Variants in CLSTN2 observed in about 807,000 individuals in gnomAD.
CLSTN2 encodes the protein calsyntenin-2.
In CLSTN2, 48 loss-of-function variants were observed where a neutral mutation model predicts 101.2. The ratio of observed to expected loss-of-function variants is 0.47; its 90% CI spans 0.38 to 0.60. The LOEUF (loss-of-function observed/expected upper bound fraction) is 0.60. CLSTN2 is among the 20% of genes least tolerant of loss of function. The probability of loss-of-function intolerance (pLI) is 0.00; values close to 1 mark genes in which losing one functional copy is unlikely to be tolerated. For missense variants in CLSTN2, 1,160 were observed against 1,238.2 expected (o/e 0.94, Z 0.95); for synonymous variants, 481 against 463.6 (o/e 1.04, Z -0.48).
At chr3:140,229,004 C>G (rs753195408) in intron 2 of CLSTN2, among the ~76,000 whole-genome samples, 1 of 152,140 alleles carries the variant, frequency 6.6e-6, no homozygotes, top group Non-Finnish European at 1.5e-5. Context: ...GATTATGTGT[C>G]CATTCTGTAT....
chr3:139,953,612 A>G (rs1170466344), intron 1 of CLSTN2, among the ~76,000 whole-genome samples: 1 of 152,140 alleles, frequency 6.6e-6, no homozygotes, highest in African/African-American at 2.4e-5. Flanking sequence ...GTCCTTACCA[A>G]TGACTCACAG....
chr3:140,176,102 C>G (rs138350006), intron 2 of CLSTN2, 29 bp downstream of exon 2: 1 of 1,611,658 alleles, frequency 6.2e-7, no homozygotes, highest in African/African-American at 1.3e-5. Flanking sequence ...ACGGCTGGGC[C>G]TGGCTCACTT....
rs543143873 is a variant in CLSTN2 at position 140,403,962 on chromosome 3, C to T, written c.428+138C>T. On this transcript the variant is annotated intron_variant, in intron 3 of 16. Coordinates refer to ENST00000458420, the MANE Select transcript of CLSTN2 (RefSeq NM_022131.3). ...ACTTTGCTCAACTGCTTGGCAGTTT[C>T]CTGGTCCCATGCAGGCATCTTCCCA... is the stretch of plus-strand genomic sequence containing the variant. 4.4e-6 allele frequency: 3 copies of T among 676,146 alleles called. No individual in the cohort carries two copies. The South Asian group carries it at 6.0e-5, about 13-fold the overall frequency. The allele number at this position is 676,146 out of a possible 1,614,324, so 41.9% of individuals were successfully genotyped here.
At chr3:139,958,066 C>G (rs551068103) in intron 1 of CLSTN2, among the ~76,000 whole-genome samples, 2 of 152,314 alleles carry the variant, frequency 1.3e-5, no homozygotes, top group East Asian at 1.9e-4. Context: ...CTCAACAACA[C>G]AGGGCTTAGC....
intron 2 of CLSTN2, among the ~76,000 whole-genome samples, chr3:140,278,731 G>GT (rs988456574): frequency 6.6e-6 from 1 of 152,116 alleles, no homozygotes; most frequent in Non-Finnish European, 1.5e-5. Context: ...GTTTTGTTTT[G>GT]TTTTTTAGAG....
At chr3:140,088,783 G>GC (rs2008720907) in intron 1 of CLSTN2, among the ~76,000 whole-genome samples, 2 of 152,116 alleles carry the variant, frequency 1.3e-5, no homozygotes, top group Non-Finnish European at 2.9e-5. Context: ...AGCAAGGGAG[G>GC]CCTTCACAGC....
chr3:140,559,560 A>T (rs6807991), intron 12 of CLSTN2, among the ~76,000 whole-genome samples: 1 of 135,698 alleles, frequency 7.4e-6, no homozygotes, highest in South Asian at 2.6e-4. Context: ...GGCGGGGGTC[A>T]GGGGGGCGGG....
At chr3:140,523,333 C>T (rs730752) in intron 8 of CLSTN2, among the ~76,000 whole-genome samples, 2,631 of 152,246 alleles carry the variant, frequency 0.017, 73 homozygotes, top group African/African-American at 0.059. Flanking sequence ...TCCATTCTTG[C>T]TACTCATGGA....
intron 2 of CLSTN2, among the ~76,000 whole-genome samples, chr3:140,236,757 T>C (rs984641474): frequency 6.6e-6 from 1 of 151,962 alleles, no homozygotes; most frequent in Admixed American, 6.6e-5. Context: ...CTGTTTTTAA[T>C]CTCATCCAAT....
chr3:140,186,548 A>T (rs578125900), intron 2 of CLSTN2, among the ~76,000 whole-genome samples: 3 of 152,208 alleles, frequency 2.0e-5, no homozygotes, highest in Admixed American at 2.0e-4. Context: ...ATGAGTTCAG[A>T]GCTTGATTTT....
At chr3:139,999,954 CAAA>C (rs34012453) in intron 1 of CLSTN2, among the ~76,000 whole-genome samples, 18 of 142,034 alleles carry the variant, frequency 1.3e-4, no homozygotes, top group Admixed American at 2.8e-4. Context: ...AACCTTGTCT[CAAA>C]AAAAAAAAAA....
chr3:140,168,737 A>G (rs2010170315), intron 1 of CLSTN2, among the ~76,000 whole-genome samples: 2 of 152,090 alleles, frequency 1.3e-5, no homozygotes, highest in Admixed American at 6.6e-5. Flanking sequence ...TTTCTCTAGC[A>G]GCATTTAATA....
intron 1 of CLSTN2, among the ~76,000 whole-genome samples, chr3:140,004,501 G>T (rs1207916738): frequency 1.3e-5 from 2 of 152,196 alleles, no homozygotes; most frequent in Non-Finnish European, 2.9e-5. Context: ...GCAGCAGGGA[G>T]GATGAACCTC....
chr3:140,342,880 C>G (rs1408638693), intron 2 of CLSTN2, among the ~76,000 whole-genome samples: 2 of 152,150 alleles, frequency 1.3e-5, no homozygotes, highest in African/African-American at 4.8e-5. Context: ...TCAGGGCACT[C>G]AGATGCTTAC....
intron 1 of CLSTN2, among the ~76,000 whole-genome samples, chr3:140,075,885 G>C (rs1345361274): frequency 1.3e-5 from 2 of 151,924 alleles, no homozygotes; most frequent in African/African-American, 4.8e-5. Flanking sequence ...TTGCCCTGCA[G>C]GTATCTCTGC....
intron 1 of CLSTN2, among the ~76,000 whole-genome samples, chr3:140,078,938 T>A (rs941052063): frequency 6.6e-6 from 1 of 152,162 alleles, no homozygotes; most frequent in South Asian, 2.1e-4. Context: ...GATAGGAATA[T>A]ATAAATGTTT....
At chr3:140,179,813 C>G (rs2010381439) in intron 2 of CLSTN2, among the ~76,000 whole-genome samples, 1 of 152,024 alleles carries the variant, frequency 6.6e-6, no homozygotes, top group Non-Finnish European at 1.5e-5. Context: ...GGCAGTTTGT[C>G]TATTTCCAAT....
intron 8 of CLSTN2, among the ~76,000 whole-genome samples, chr3:140,498,883 C>A (rs1448933340): frequency 6.6e-6 from 1 of 151,890 alleles, no homozygotes; most frequent in Non-Finnish European, 1.5e-5. Context: ...CATTGGAAAT[C>A]CAAGATTGTA....
At chr3:140,410,037 A>AT (rs2088345519) in intron 4 of CLSTN2, among the ~76,000 whole-genome samples, 2 of 152,010 alleles carry the variant, frequency 1.3e-5, no homozygotes, top group Admixed American at 1.3e-4. Flanking sequence ...AAATCAAGAA[A>AT]GCCTACATAA....
Sources: gnomAD v4.1 joint callset for allele counts (sites outside exome capture counted in the v4.1 genomes callset) on GRCh38, gnomAD v4.1.1 for gene constraint, MANE v1.5 for transcripts, NCBI Gene and HGNC (gene_info 2026-07-23, HGNC 2026-07-21) for gene names.